The following DDX60L variants were observed in gnomAD, a reference collection of about 807,000 sequenced individuals.
DDX60L encodes the protein probable ATP-dependent RNA helicase DDX60-like.
In DDX60L, 191 loss-of-function variants were observed where a neutral mutation model predicts 211.6. That is an observed-to-expected ratio of 0.90 (90% CI 0.80 to 1.02). The LOEUF (loss-of-function observed/expected upper bound fraction) is 1.02, where lower values mean the gene tolerates loss of function less well. DDX60L is among the 50% of genes least tolerant of loss of function. The pLI is 0.00. For synonymous variants in DDX60L, 706 were observed against 694.1 expected (o/e 1.02, Z -0.27); for missense variants, 2,007 against 1,984.1 (o/e 1.01, Z -0.22).
chr4:168,400,952 C>G lies in DDX60L; in HGVS notation c.3365G>C (p.Arg1122Thr). The G allele has an allele frequency of 1.9e-6, 3 of 1,613,802 alleles. No homozygotes were observed. Among genetic ancestry groups the G allele is most frequent in the Non-Finnish European group, 2.5e-6 (3 of 1,179,812 alleles). Residue 1122 changes from arginine (R) to threonine (T), a missense_variant, in exon 26 of 38, where the codon AGA becomes ACA. Physicochemically the swap from Arg to Thr is moderately conservative, Grantham distance 71. Coordinates refer to ENST00000682922, the MANE Select transcript of DDX60L (RefSeq NM_001012967.3). ...CAGAAAAGTGCACACACTTCCAGCT[C>G]TTTTTCCCACATCATCATTCTTAAA... ...FLFKNDDVGK[R>T]AGSVCTFLEK...
At chr4:168,411,058 A>G (rs77642810) in intron 22 of DDX60L, among the ~76,000 whole-genome samples, 5,412 of 152,312 alleles carry the variant, frequency 0.036, 310 homozygotes, top group African/African-American at 0.12. Flanking sequence ...TTGAGGATCT[A>G]ATGAAAGCTA....
intron 15 of DDX60L, 93 bp from the exon 16 acceptor site, chr4:168,422,763 G>T: frequency 1.0e-6 from 1 of 970,826 alleles, no homozygotes; most frequent in East Asian, 2.7e-5. Context: ...TATGCACAAG[G>T]CATTTTTACT....
chr4:168,384,324 A>C (rs1308421077), intron 30 of DDX60L, among the ~76,000 whole-genome samples: 1 of 152,030 alleles, frequency 6.6e-6, no homozygotes, highest in East Asian at 1.9e-4. Context: ...CTACACAAAA[A>C]AATAAAATAA....
intron 29 of DDX60L, among the ~76,000 whole-genome samples, chr4:168,391,335 C>A (rs2149722082): frequency 6.6e-6 from 1 of 152,140 alleles, no homozygotes; most frequent in Admixed American, 6.5e-5. Context: ...GCCAATAAAC[C>A]CTAACTATGA....
chr4:168,422,969 T>C (rs62334146), intron 15 of DDX60L, among the ~76,000 whole-genome samples: 21 of 133,046 alleles, frequency 1.6e-4, no homozygotes, highest in Non-Finnish European at 2.5e-4. Flanking sequence ...GTGGCTAATA[T>C]TGTGTGTGTG....
Position 168,358,273 on chromosome 4 carries a change from G to A in DDX60L, c.4995C>T (p.Asp1665=), listed in dbSNP as rs1196567429. The A allele has an allele frequency of 2.6e-6, 4 of 1,562,632 alleles. No individual in the cohort carries two copies. Among genetic ancestry groups the A allele is most frequent in the Non-Finnish European group, 2.6e-6 (3 of 1,154,758 alleles). ...TATTTTCACATAGTTCACTCAAGGA[G>A]TCACTGTATAAATGATAATAATAAT... The part of the protein sequence containing the change: ...DFAFNIQAIS[D]SLSELCENKR... Residue 1665 remains aspartate, a synonymous_variant, in exon 38 of 38, where the codon GAC becomes GAT. Transcript: ENST00000682922.
Position 168,432,557 on chromosome 4 carries a change from C to G in DDX60L, c.1414G>C (p.Val472Leu). ...LPILKSDDPV[V>L]PSLFKQKTSD... ...GTCTTTTGTTTAAACAGTGAAGGAA[C>G]AACCGGATCATCACTGTAAAAATAA... Residue 472 changes from valine to leucine, a missense_variant, in exon 12 of 38, where the codon GTT becomes CTT. Physicochemically the swap from Val to Leu is conservative, Grantham distance 32. Transcript: ENST00000682922. The G allele has an allele frequency of 6.4e-7, 1 of 1,573,370 alleles. No homozygotes were observed. Among genetic ancestry groups the G allele is most frequent in the Non-Finnish European group, 8.6e-7 (1 of 1,157,372 alleles).
At chr4:168,404,735 C>T (rs17649898) in intron 24 of DDX60L, among the ~76,000 whole-genome samples, 48,105 of 151,936 alleles carry the variant, frequency 0.32, 7,753 homozygotes, top group East Asian at 0.42. Context: ...CAGCATCTAC[C>T]TCTTTTTTAA....
chr4:168,415,648 T>G lies in DDX60L; in HGVS notation c.2869+9A>C, dbSNP rs897179651. The G allele has an allele frequency of 2.6e-5, 40 of 1,539,976 alleles. No individual in the cohort carries two copies. Among genetic ancestry groups the G allele is most frequent in the Non-Finnish European group, 3.4e-5 (39 of 1,142,262 alleles). On this transcript the variant is annotated intron_variant, in intron 21 of 37. Transcript: ENST00000682922. ...AATATATAGTAAAACATAAAAAAAATAAGCTTACCAAGTCTAACTTCATAT... is the reference window on the plus strand; with the variant it reads ...AATATATAGTAAAACATAAAAAAAAGAAGCTTACCAAGTCTAACTTCATAT...
intron 8 of DDX60L, among the ~76,000 whole-genome samples, chr4:168,452,578 A>G (rs1019351804): frequency 2.6e-5 from 4 of 152,224 alleles, no homozygotes; most frequent in African/African-American, 9.6e-5. Context: ...TAAAAATTTT[A>G]AAAATTATGC....
intron 10 of DDX60L, among the ~76,000 whole-genome samples, chr4:168,433,769 A>T (rs1752673756): frequency 6.6e-6 from 1 of 152,072 alleles, no homozygotes; most frequent in Admixed American, 6.6e-5. Flanking sequence ...TGCATCTCTC[A>T]CTTTCCTTTG....
chr4:168,360,799 T>A (rs1738970194), intron 37 of DDX60L, among the ~76,000 whole-genome samples: 1 of 152,254 alleles, frequency 6.6e-6, no homozygotes, highest in South Asian at 2.1e-4. Context: ...GTCATTTATC[T>A]GACTCAGTGT....
chr4:168,394,625 A>T lies in DDX60L; in HGVS notation c.3658-8T>A. The T allele has an allele frequency of 6.3e-7, 1 of 1,583,504 alleles. No individual in the cohort carries two copies. The highest frequency in any genetic ancestry group is 8.5e-7 in the Non-Finnish European group (1 of 1,170,058). ...TAATACCCTCTCCAAAGTCTAAAAC[A>T]AGAAAGAAGTGTAAAACAATTGATG... On this transcript the variant is annotated splice_polypyrimidine_tract_variant and splice_region_variant and intron_variant, in intron 27 of 37. Coordinates refer to ENST00000682922, the MANE Select transcript of DDX60L (RefSeq NM_001012967.3).
chr4:168,426,184 T>C (rs551910942), intron 14 of DDX60L, among the ~76,000 whole-genome samples: 20 of 152,342 alleles, frequency 1.3e-4, no homozygotes, highest in Admixed American at 4.6e-4. Flanking sequence ...TTCACTCCCC[T>C]GCTCTTGTCA....
At chr4:168,428,415 G>C (rs548799530) in intron 13 of DDX60L, among the ~76,000 whole-genome samples, 138 of 152,262 alleles carry the variant, frequency 9.1e-4, no homozygotes, top group African/African-American at 3.2e-3. Context: ...TTAATGAATT[G>C]ACGGTCTGGC....
intron 22 of DDX60L, among the ~76,000 whole-genome samples, chr4:168,409,094 T>C (rs1188349073): frequency 1.3e-5 from 2 of 152,218 alleles, no homozygotes; most frequent in African/African-American, 2.4e-5. Context: ...AAAGGTCTTA[T>C]ATAAATGCAC....
At chr4:168,436,446 G>A (rs1579631673) in intron 10 of DDX60L, among the ~76,000 whole-genome samples, 1 of 152,180 alleles carries the variant, frequency 6.6e-6, no homozygotes, top group Non-Finnish European at 1.5e-5. Context: ...GTGGGTCTAC[G>A]TTCATGGAAA....
intron 30 of DDX60L, among the ~76,000 whole-genome samples, chr4:168,382,604 T>C (rs1415610059): frequency 6.6e-6 from 1 of 152,154 alleles, no homozygotes; most frequent in Non-Finnish European, 1.5e-5. Context: ...ATTCTTCTAA[T>C]AATTCTTTAA....
rs977792599 is a variant in DDX60L, at chr4:168,373,811, G to A, written c.4634-3C>T. 2 of 1,612,180 alleles carry A rather than the reference G, an allele frequency of 1.2e-6. No homozygotes were observed. Among genetic ancestry groups the A allele is most frequent in the Middle Eastern group, 1.7e-4 (1 of 6,036 alleles). ...TTCACATTCTTTACCTGTGAATTCTGACCATTTTGGACTAGGTCACGTTAG... is the reference window on the plus strand; with the variant it reads ...TTCACATTCTTTACCTGTGAATTCTAACCATTTTGGACTAGGTCACGTTAG... On this transcript the variant is annotated splice_region_variant and splice_polypyrimidine_tract_variant and intron_variant, in intron 34 of 37. Transcript: ENST00000682922.
Sources: gnomAD v4.1 joint callset for allele counts (sites outside exome capture counted in the v4.1 genomes callset) on GRCh38, gnomAD v4.1.1 for gene constraint, MANE v1.5 for transcripts, NCBI Gene and HGNC (gene_info 2026-07-23, HGNC 2026-07-21) for gene names.